FAXDC2: variants seen among roughly 807,000 people sequenced by gnomAD.
FAXDC2 encodes fatty acid hydroxylase domain containing 2.
In FAXDC2, 41 loss-of-function variants were observed where a neutral mutation model predicts 40.9. The ratio of observed to expected loss-of-function variants is 1.00; its 90% CI spans 0.78 to 1.30. FAXDC2 has a LOEUF of 1.30. Ranked by LOEUF, FAXDC2 falls within the 50% of genes most tolerant of loss-of-function variation. FAXDC2 has a pLI of 0.00. For synonymous variants in FAXDC2, 157 were observed against 149.3 expected, an observed-to-expected ratio of 1.05 and a Z score of -0.38; for missense variants, 390 against 408.8, an observed-to-expected ratio of 0.95 and a Z score of 0.40.
chr5:154,820,823 C>T (rs1386822582), intron 8 of FAXDC2: 2 of 248,660 alleles, frequency 8.0e-6, no homozygotes, highest in Non-Finnish European at 1.6e-5. Context: ...AGGCCCTGCT[C>T]CCCCAGATAC....
chr5:154,845,481 A>G (rs1463472000), intron 1 of FAXDC2, among the ~76,000 whole-genome samples: 1 of 152,102 alleles, frequency 6.6e-6, no homozygotes, highest in Non-Finnish European at 1.5e-5. Context: ...TGGACTGGGC[A>G]TGGTGTCTCA....
At position 154,823,499 on chromosome 5, in the gene FAXDC2, G is replaced by C. The variant is rs1759940174; in HGVS notation, c.460C>G (p.Leu154Val). The C allele has an allele frequency of 1.2e-6, 2 of 1,614,170 alleles. No homozygotes were observed. The highest frequency in any genetic ancestry group is 1.7e-6 in the Non-Finnish European group (2 of 1,180,002). ...CGGCAGGGGTCTCTCCACCATTTGA[G>C]GAAGGGATAGAGGAAGACCACCATG... ...FPMVVFLYPFLKWWRDPCRRE... is the reference protein window; with the variant it reads ...FPMVVFLYPFVKWWRDPCRRE... The change falls in exon 6 of 9, where the codon CTC becomes GTC. Residue 154 changes from leucine (L) to valine (V), a missense_variant. Transcript: ENST00000326080.
In FAXDC2 at chr5:154,819,109, A is replaced by C. The variant is rs971885300; in HGVS notation, c.*1207T>G. On this transcript the variant is annotated 3_prime_UTR_variant, in exon 9 of 9. Coordinates refer to ENST00000326080, the MANE Select transcript of FAXDC2 (RefSeq NM_032385.5). Reference sequence around the variant, plus strand: ...TGATACTAAGGTATTTTATAAAGCTACAGTGGATGTTTTTCTTAAGAGAAC... The same window carrying C: ...TGATACTAAGGTATTTTATAAAGCTCCAGTGGATGTTTTTCTTAAGAGAAC... The C allele has an allele frequency of 6.6e-6, 1 of 152,262 alleles. No individual in the cohort carries two copies. Among genetic ancestry groups the C allele is most frequent in the African/African-American group, 2.4e-5 (1 of 41,464 alleles). 9.4% of individuals were successfully genotyped at this position (152,262 alleles called of 1,614,324 possible).
intron 1 of FAXDC2, among the ~76,000 whole-genome samples, chr5:154,848,733 G>A (rs1005705576): frequency 6.6e-6 from 1 of 152,198 alleles, no homozygotes; most frequent in Non-Finnish European, 1.5e-5. Flanking sequence ...TTGGGAGGCC[G>A]AGGTGGGCAG....
chr5:154,842,839 T>A (rs61253975), intron 1 of FAXDC2, among the ~76,000 whole-genome samples: 21,541 of 149,616 alleles, frequency 0.14, 1,738 homozygotes, highest in African/African-American at 0.22. Context: ...CCTTTTTTTT[T>A]AAAAAAAAAT....
chr5:154,830,545 G>A, intron 5 of FAXDC2: 1 of 372,770 alleles, frequency 2.7e-6, no homozygotes, highest in Non-Finnish European at 5.0e-6. Flanking sequence ...GTGCCATGGG[G>A]CACCACAGGC....
rs111613447 is a variant in FAXDC2, at chr5:154,821,227, C to T, written c.845+33G>A. On this transcript the variant is annotated intron_variant, in intron 8 of 8. Transcript: ENST00000326080. ...TAAGGAGGGAGGGTGATGGTTGTTG[C>T]CTAGGGACCCATTGTGGGGAGAAGG... The T allele has an allele frequency of 2.1e-5, 34 of 1,581,750 alleles. No homozygotes were observed. In the African/African-American group the frequency reaches 3.8e-4, roughly 18 times the overall value.
chr5:154,838,457 T>C, intron 1 of FAXDC2: 1 of 415,592 alleles, frequency 2.4e-6, no homozygotes, highest in Non-Finnish European at 4.3e-6. Context: ...AATGCTTTTT[T>C]AAGAGACAGG....
At chr5:154,837,008 C>G (rs1760363991) in intron 2 of FAXDC2, among the ~76,000 whole-genome samples, 1 of 152,118 alleles carries the variant, frequency 6.6e-6, no homozygotes, top group Non-Finnish European at 1.5e-5. Flanking sequence ...CTTTCAAGAT[C>G]TGAGGAAACA....
intron 5 of FAXDC2, chr5:154,824,382 C>T: frequency 3.0e-6 from 2 of 662,820 alleles, no homozygotes; most frequent in Non-Finnish European, 5.5e-6. Flanking sequence ...GGGATTTCTC[C>T]AAGTTCCCTC....
At chr5:154,831,273 T>C (rs1402600746) in intron 4 of FAXDC2, 1 of 193,246 alleles carries the variant, frequency 5.2e-6, no homozygotes, top group East Asian at 1.1e-4. Context: ...CCTTTATGAA[T>C]TGCCAAGGAA....
At chr5:154,837,760 C>T (rs895032552) in intron 2 of FAXDC2, among the ~76,000 whole-genome samples, 2 of 152,090 alleles carry the variant, frequency 1.3e-5, no homozygotes, top group East Asian at 3.9e-4. Flanking sequence ...GGGTCAAGGG[C>T]CAGTTCTCAG....
intron 4 of FAXDC2, among the ~76,000 whole-genome samples, chr5:154,833,669 C>A (rs958780409): frequency 6.8e-6 from 1 of 146,826 alleles, no homozygotes; most frequent in Non-Finnish European, 1.5e-5. Flanking sequence ...TTAAATATTT[C>A]TTTCTTTCTT....
intron 1 of FAXDC2, among the ~76,000 whole-genome samples, chr5:154,847,529 G>T (rs546260760): frequency 7.3e-6 from 1 of 137,726 alleles, no homozygotes; most frequent in African/African-American, 2.7e-5. Flanking sequence ...CTCATGTTGC[G>T]CAGGCTGGAG....
At chr5:154,843,102 C>G (rs557220217) in intron 1 of FAXDC2, among the ~76,000 whole-genome samples, 1 of 152,198 alleles carries the variant, frequency 6.6e-6, no homozygotes, top group South Asian at 2.1e-4. Flanking sequence ...TTTCCCTCTT[C>G]AGTGTTTGTT....
rs958042694 is a variant in FAXDC2 at position 154,834,723 on chromosome 5, A to C, written c.146T>G (p.Leu49Arg). Residue 49 changes from leucine (L) to arginine (R), a missense_variant, in exon 4 of 9, where the codon CTT becomes CGT. By Grantham distance (102) the Leu-to-Arg change is moderately radical. Transcript: ENST00000326080. ...GCCAGAAGCACCCCAAAATCTCTGA[A>C]GATGCCTTGGAAAAAAAACCAGGTT... is the stretch of plus-strand genomic sequence containing the variant. ...VAFWNSVTWH[L>R]QRFWGASGYF... The C allele has an allele frequency of 6.2e-7, 1 of 1,613,764 alleles. No individual in the cohort carries two copies. Among genetic ancestry groups the C allele is most frequent in the African/African-American group, 1.3e-5 (1 of 74,876 alleles).
chr5:154,850,202 CT>C (rs1327494628), intron 1 of FAXDC2, among the ~76,000 whole-genome samples: 2 of 152,130 alleles, frequency 1.3e-5, no homozygotes, highest in African/African-American at 4.8e-5. Context: ...CTGTCAATTG[CT>C]AGAAAAATTA....
chr5:154,838,224 C>A, intron 1 of FAXDC2, 46 bp from the exon 2 acceptor site: 1 of 1,592,678 alleles, frequency 6.3e-7, no homozygotes, highest in Non-Finnish European at 8.6e-7. Context: ...TTTTCATAAA[C>A]ATCTAAGGAA....
rs768298054 is a variant in FAXDC2, at chr5:154,823,482, GTC to G, written c.475_476del (p.Asp159ProfsTer5). On this transcript the variant is annotated frameshift_variant, in exon 6 of 9. Transcript: ENST00000326080. LOFTEE classifies it high-confidence loss of function. Reference protein sequence around the residue: ...FLYPFLKWWRDPCRRELPTFH... With the variant: ...FLYPFLKWWRXPCRRELPTFH... ...AGGTGGGTAGCTCACGGCGGCAGGG[GTC>G]TCTCCACCATTTGAGGAAGGGATAG... is the stretch of plus-strand genomic sequence containing the variant. The G allele has an allele frequency of 5.0e-6, 8 of 1,614,166 alleles. No homozygotes were observed. In the Admixed American group the frequency reaches 6.7e-5, roughly 13 times the overall value.
Sources: gnomAD v4.1 joint callset for allele counts (sites outside exome capture counted in the v4.1 genomes callset) on GRCh38, gnomAD v4.1.1 for gene constraint, MANE v1.5 for transcripts, NCBI Gene and HGNC (gene_info 2026-07-23, HGNC 2026-07-21) for gene names.